Variants in GBP1 observed in about 807,000 individuals in gnomAD.
GBP1 encodes guanylate-binding protein 1.
GBP1 carries 64 observed loss-of-function variants against 69.5 expected under a neutral mutation model. That is an observed-to-expected ratio of 0.92 (90% confidence interval 0.75 to 1.13). The LOEUF (loss-of-function observed/expected upper bound fraction) is 1.13. GBP1 is among the 50% of genes most tolerant of loss of function. GBP1 has a pLI of 0.00. For missense variants in GBP1, 630 were observed against 704.1 expected, an observed-to-expected ratio of 0.89 and a Z score of 1.19; for synonymous variants, 250 against 261.2, an observed-to-expected ratio of 0.96 and a Z score of 0.41.
At chr1:89,053,580 A>G in intron 10 of GBP1, 112 bp from the exon 11 acceptor site, 2 of 1,472,714 alleles carry the variant, frequency 1.4e-6, no homozygotes, top group South Asian at 2.8e-5. Flanking sequence ...GAGTCACGCA[A>G]GACGTAAATG....
intron 5 of GBP1, 44 bp from the exon 6 acceptor site, chr1:89,058,278 G>A: frequency 6.6e-7 from 1 of 1,509,002 alleles, no homozygotes; most frequent in South Asian, 1.3e-5. Flanking sequence ...TAATATAAGT[G>A]TTTCTGTAAA....
chr1:89,064,759 A>G (rs1460135749), intron 1 of GBP1, among the ~76,000 whole-genome samples: 1 of 152,048 alleles, frequency 6.6e-6, no homozygotes, highest in Non-Finnish European at 1.5e-5. Flanking sequence ...TAACTCTTCC[A>G]TTTCTTAGCT....
chr1:89,062,344 A>C (rs1680221495), intron 2 of GBP1, among the ~76,000 whole-genome samples: 1 of 152,250 alleles, frequency 6.6e-6, no homozygotes, highest in Non-Finnish European at 1.5e-5. Context: ...GAGTTTTGAC[A>C]CATGCTAACA....
chr1:89,057,111 A>G lies in GBP1; in HGVS notation c.898T>C (p.Tyr300His). 6.2e-7 allele frequency: 1 copy of G among 1,614,280 alleles called. No homozygotes were observed. The highest frequency in any genetic ancestry group is 1.1e-5 in the South Asian group (1 of 91,090). The change falls in exon 7 of 11, where the codon TAC (tyrosine) becomes CAC (histidine). Residue 300 changes from tyrosine to histidine, a missense_variant. Physicochemically the swap from Tyr to His is moderately conservative, Grantham distance 83. Around this residue, in one of 5 missense-constraint regions of GBP1, gnomAD observed 367 missense variants for 369.5 expected, o/e 0.99. Transcript: ENST00000370473. ...GPRLESLVLT[Y>H]VNAISSGDLP... ...TCCCCACTGCTGATGGCATTGACGT[A>G]GGTCAGCACCAGGCTCTCTAGACCT...
chr1:89,057,758 C>G (rs1680081576), intron 6 of GBP1, among the ~76,000 whole-genome samples: 1 of 152,132 alleles, frequency 6.6e-6, no homozygotes, highest in African/African-American at 2.4e-5. Context: ...TACTCTATTG[C>G]ATAGTGCAGG....
chr1:89,053,505 C>T lies in GBP1; in HGVS notation c.1666-37G>A. The T allele has an allele frequency of 2.5e-6, 4 of 1,590,238 alleles. No individual in the cohort carries two copies. The South Asian group carries it at 4.6e-5, about 18-fold the overall frequency. On this transcript the variant is annotated intron_variant, in intron 10 of 10. Transcript: ENST00000370473. ...CAAACGAAGGCTGAGTAAAGTGTAGCATCAGGCAAATTGAAACATTCTATC... is the reference window on the plus strand; with the variant it reads ...CAAACGAAGGCTGAGTAAAGTGTAGTATCAGGCAAATTGAAACATTCTATC...
rs770213932 is a variant in GBP1, at chr1:89,056,238, A to G, written c.1156-10T>C. ...TTTTTTCTAGCTGGGCCTTTAATGT[A>G]AAAATAGGAAGTAAAAAGAGTAACA... On this transcript the variant is annotated splice_polypyrimidine_tract_variant and intron_variant, in intron 7 of 10. Transcript: ENST00000370473. 1.9e-6 allele frequency: 3 copies of G among 1,613,894 alleles called. No individual in the cohort carries two copies. Among genetic ancestry groups the G allele is most frequent in the Non-Finnish European group, 2.5e-6 (3 of 1,179,790 alleles).
At chr1:89,058,527 C>A (rs951261755) in intron 5 of GBP1, 1 of 515,908 alleles carries the variant, frequency 1.9e-6, no homozygotes, top group Non-Finnish European at 3.4e-6. Context: ...AGTCTATGTT[C>A]TTTAAATAAA....
rs779097744 is a variant in GBP1, at chr1:89,057,066, C to T, written c.943G>A (p.Ala315Thr). Residue 315 changes from alanine to threonine, a missense_variant, in exon 7 of 11, where the codon GCA becomes ACA. Physicochemically the swap from Ala to Thr is moderately conservative, Grantham distance 58 (BLOSUM62 0). This residue lies in a region of GBP1 where 367 missense variants were observed against 369.5 expected (regional missense o/e 0.99). Transcript: ENST00000370473. ...SSGDLPCMEN[A>T]VLALAQIENS... is the part of the protein sequence containing the mutation. Reference sequence around the variant, plus strand: ...TCTATCTGGGCCAAGGCCAGGACTGCGTTCTCCATGCACGGCAGATCCCCA... The same window carrying T: ...TCTATCTGGGCCAAGGCCAGGACTGTGTTCTCCATGCACGGCAGATCCCCA... The T allele has an allele frequency of 8.7e-6, 14 of 1,614,140 alleles. No homozygotes were observed. The Admixed American group carries it at 1.0e-4, about 12-fold the overall frequency.
rs772152556 is a variant in GBP1, at chr1:89,056,021, TC to T, written c.1362del (p.Ile455TyrfsTer11). ...KKKYYEEPRKGIQAEEILQTY... is the reference protein window; with the variant it reads ...KKKYYEEPRKXIQAEEILQTY... ...GACAGATAAATCTTGGTTACCTGTA[TC>T]CCCTTCCTCGGTTCCTCATAGTACT... On this transcript the variant is annotated frameshift_variant, in exon 8 of 11. Coordinates refer to ENST00000370473, the MANE Select transcript of GBP1 (RefSeq NM_002053.3). LOFTEE classifies it high-confidence loss of function. The T allele has an allele frequency of 1.4e-5, 22 of 1,613,964 alleles. No individual in the cohort carries two copies. In the African/African-American group the frequency reaches 2.7e-4, roughly 20 times the overall value.
At chr1:89,055,020 T>G (rs1680009024) in intron 9 of GBP1, 93 bp downstream of exon 9, 3 of 1,410,698 alleles carry the variant, frequency 2.1e-6, no homozygotes, top group Non-Finnish European at 2.9e-6. Context: ...TTTGTGGATC[T>G]TGCTCTAGTT....
intron 2 of GBP1, among the ~76,000 whole-genome samples, chr1:89,061,906 C>T (rs1680209646): frequency 6.6e-6 from 1 of 151,938 alleles, no homozygotes; most frequent in African/African-American, 2.4e-5. Context: ...TGAAAAGATG[C>T]TCAACATCAC....
At position 89,058,905 on chromosome 1, in the gene GBP1, C is replaced by T. The variant is rs765534159; in HGVS notation, c.567G>A (p.Leu189=). ...GTGTGAGGGGTTGTCCATCTGCTTC[C>T]AAGTCCAGGGAGAAATCTCTCAGTG... The part of the protein sequence containing the change: ...VWTLRDFSLD[L]EADGQPLTPD... Residue 189 remains leucine (L), a synonymous_variant, in exon 5 of 11, where the codon TTG becomes TTA. Coordinates refer to ENST00000370473, the MANE Select transcript of GBP1 (RefSeq NM_002053.3). 5.6e-6 allele frequency: 9 copies of T among 1,614,022 alleles called. No individual in the cohort carries two copies. Among genetic ancestry groups the T allele is most frequent in the South Asian group, 4.4e-5 (4 of 91,084 alleles).
intron 2 of GBP1, 181 bp downstream of exon 2, chr1:89,062,864 A>T (rs1167766160): frequency 2.9e-6 from 2 of 689,424 alleles, no homozygotes; most frequent in African/African-American, 1.8e-5. Context: ...GTATCATGGG[A>T]ATAATTAATG....
At chr1:89,062,990 C>T (rs1259488247) in intron 2 of GBP1, 55 bp downstream of exon 2, 9 of 1,596,256 alleles carry the variant, frequency 5.6e-6, no homozygotes, top group Non-Finnish European at 7.7e-6. Context: ...ATAATGGAGG[C>T]TGACTGTGTA....
chr1:89,060,563 T>C (rs1680154224), intron 2 of GBP1, among the ~76,000 whole-genome samples: 1 of 152,166 alleles, frequency 6.6e-6, no homozygotes. Flanking sequence ...CACCTCAACA[T>C]AATAAATGCC....
chr1:89,055,608 G>A (rs1680023345), intron 8 of GBP1: 2 of 345,928 alleles, frequency 5.8e-6, no homozygotes, highest in African/African-American at 2.1e-5. Context: ...GGGGATGGGG[G>A]AACACTGGAC....
intron 10 of GBP1, 35 bp from the exon 11 acceptor site, chr1:89,053,503 A>G (rs1337041373): frequency 6.3e-7 from 1 of 1,590,600 alleles, no homozygotes; most frequent in South Asian, 1.2e-5. Flanking sequence ...AGTAAAGTGT[A>G]GCATCAGGCA....
intron 2 of GBP1, among the ~76,000 whole-genome samples, chr1:89,061,803 A>G (rs1008813976): frequency 6.6e-6 from 1 of 152,118 alleles, no homozygotes; most frequent in African/African-American, 2.4e-5. Context: ...AAAATTTACA[A>G]AGCAACAGAA....
Sources: allele counts gnomAD v4.1 joint callset (sites outside exome capture counted in the v4.1 genomes callset), GRCh38; gene constraint gnomAD v4.1.1; regional missense constraint gnomAD v4.1.1; transcripts MANE v1.5; gene names NCBI Gene and HGNC (gene_info 2026-07-23, HGNC 2026-07-21).